WASHC4: variants seen among roughly 807,000 people sequenced by gnomAD.
The protein encoded by WASHC4 is WASH complex subunit 4.
WASHC4 carries 86 observed loss-of-function variants against 166.6 expected under a neutral mutation model. That is an observed-to-expected ratio of 0.52 (90% CI 0.43 to 0.62). WASHC4 has a LOEUF of 0.62. Ranked by LOEUF, WASHC4 falls within the 20% of genes least tolerant of loss-of-function variation. The probability of loss-of-function intolerance (pLI) is 0.00; values close to 1 mark genes in which losing one functional copy is unlikely to be tolerated. For missense variants in WASHC4, 1,262 were observed against 1,382.4 expected (o/e 0.91, Z 1.38); for synonymous variants, 446 against 451.6 (o/e 0.99, Z 0.16).
At chr12:105,160,255 T>G in intron 29 of WASHC4, 107 bp downstream of exon 29, 2 of 931,972 alleles carry the variant, frequency 2.1e-6, no homozygotes, top group Non-Finnish European at 3.4e-6. Context: ...ACTATTAATT[T>G]CCTGGTTGCA....
chr12:105,164,440 A>G (rs1039341406), intron 31 of WASHC4, 133 bp downstream of exon 31: 3 of 887,122 alleles, frequency 3.4e-6, no homozygotes, highest in African/African-American at 3.3e-5. Context: ...CAAAAAGATT[A>G]TATTTTAAAA....
intron 24 of WASHC4, chr12:105,149,268 A>G: frequency 1.0e-6 from 1 of 985,432 alleles, no homozygotes; most frequent in Non-Finnish European, 1.2e-6. Context: ...TGATGGAGGA[A>G]CATAGAAACT....
Position 105,147,754 on chromosome 12 carries a change from A to C in WASHC4, c.2514+608A>C, listed in dbSNP as rs144488643. The C allele has an allele frequency of 2.8e-3, 992 of 359,878 alleles. 12 individuals carry two copies. Among genetic ancestry groups the C allele is most frequent in the African/African-American group, 0.021 (958 of 45,122 alleles). The allele number at this position is 359,878 out of a possible 1,614,324, so 22.3% of individuals were successfully genotyped here. A position where few individuals can be genotyped will look rare whatever the true frequency, so the allele number is the denominator to read the frequency against. On this transcript the variant is annotated intron_variant, in intron 24 of 32. Transcript: ENST00000332180. The stretch of plus-strand genomic sequence containing the variant: ...AACCCCATCTCTACTAAAAATACAA[A>C]ATTAGCCAGGCGTGGTGGCGGGCGC...
chr12:105,140,795 A>T, intron 16 of WASHC4, 104 bp from the exon 17 acceptor site: 1 of 1,124,678 alleles, frequency 8.9e-7, no homozygotes, highest in African/African-American at 1.5e-5. Flanking sequence ...GTATTTGTGT[A>T]TGCTCTCTTA....
chr12:105,147,624 C>T lies in WASHC4; in HGVS notation c.2514+478C>T, dbSNP rs117453741. The T allele has an allele frequency of 3.9e-5, 39 of 996,346 alleles. 1 individual carries two copies. The East Asian group carries it at 5.0e-4, about 13-fold the overall frequency. The allele number at this position is 996,346 out of a possible 1,614,324, so 61.7% of individuals were successfully genotyped here. ...AATCTTCTTAGAAATGGGCATTCACCGCTTGGCGTGGTGGCTCACGCTTGT... is the reference window on the plus strand; with the variant it reads ...AATCTTCTTAGAAATGGGCATTCACTGCTTGGCGTGGTGGCTCACGCTTGT... On this transcript the variant is annotated intron_variant, in intron 24 of 32. Transcript: ENST00000332180.
At chr12:105,143,049 ATAAT>A (rs1883000876) in intron 19 of WASHC4, 74 bp from the exon 20 acceptor site, 1 of 866,034 alleles carries the variant, frequency 1.2e-6, no homozygotes, top group East Asian at 2.5e-5. Context: ...GTCTTTCAAG[ATAAT>A]TAACTTTTGC....
At chr12:105,142,867 A>G (rs57456392) in intron 19 of WASHC4, among the ~76,000 whole-genome samples, 2,428 of 152,230 alleles carry the variant, frequency 0.016, 43 homozygotes, top group African/African-American at 0.042. Flanking sequence ...TTTAAGAAAT[A>G]TTCATATTTT....
rs568436920 is a variant in WASHC4, at chr12:105,129,336, G to A, written c.1199+2047G>A. On this transcript the variant is annotated intron_variant, in intron 13 of 32. Coordinates refer to ENST00000332180, the MANE Select transcript of WASHC4 (RefSeq NM_015275.3). ...CTGACCTCAGGTGATCCGCCACCTCGGCCTTCCAAAGTGCTGGGATTATAG... is the reference window on the plus strand; with the variant it reads ...CTGACCTCAGGTGATCCGCCACCTCAGCCTTCCAAAGTGCTGGGATTATAG... Among the ~76,000 whole-genome samples, 4 of 152,204 alleles carry A rather than the reference G, an allele frequency of 2.6e-5. No homozygotes were observed. The South Asian group carries it at 6.2e-4, about 24-fold the overall frequency.
chr12:105,120,530 T>A (rs1880630818), intron 7 of WASHC4, 25 bp from the exon 8 acceptor site: 1 of 1,502,860 alleles, frequency 6.7e-7, no homozygotes, highest in Non-Finnish European at 9.3e-7. Context: ...AAGTTTTTTT[T>A]AACTTGGTTG....
intron 13 of WASHC4, among the ~76,000 whole-genome samples, chr12:105,133,517 G>A (rs922478820): frequency 5.3e-5 from 8 of 152,028 alleles, no homozygotes; most frequent in Non-Finnish European, 1.0e-4. Flanking sequence ...TAGAATGTAA[G>A]CATCATGGGA....
intron 30 of WASHC4, among the ~76,000 whole-genome samples, chr12:105,163,730 A>G (rs1196874): frequency 0.88 from 133,670 of 152,158 alleles, 59,005 homozygotes; most frequent in East Asian, 1. Context: ...GGTTGGTCTT[A>G]AACTCCTGGG....
At chr12:105,108,176 G>GC (rs1156359046) in intron 1 of WASHC4, among the ~76,000 whole-genome samples, 1 of 152,174 alleles carries the variant, frequency 6.6e-6, no homozygotes, top group Non-Finnish European at 1.5e-5. Flanking sequence ...CGCCCGGGAG[G>GC]CCCAGCGGCC....
chr12:105,160,674 T>A (rs1348183648), intron 29 of WASHC4, among the ~76,000 whole-genome samples: 3 of 152,312 alleles, frequency 2.0e-5, no homozygotes, highest in East Asian at 1.9e-4. Flanking sequence ...TTATTTTTTT[T>A]AAATAATTAC....
chr12:105,139,425 G>GTGTGTGTGTGTGTGTATATA lies in WASHC4; in HGVS notation c.1453-868_1453-867insGTGTGTGTGTGTGTATATAT. On this transcript the variant is annotated intron_variant, in intron 15 of 32. Coordinates refer to ENST00000332180, the MANE Select transcript of WASHC4 (RefSeq NM_015275.3). ...AGACAGACTATATATATGTGTGTGT[G>GTGTGTGTGTGTGTGTATATA]TATATATATATATATATATATATAT... is the stretch of plus-strand genomic sequence containing the variant. 7.0e-3 allele frequency among the ~76,000 whole-genome samples: 720 copies of GTGTGTGTGTGTGTGTATATA among 103,138 alleles called. 5 individuals are homozygous for GTGTGTGTGTGTGTGTATATA. The highest frequency in any genetic ancestry group is 0.011 in the Non-Finnish European group (546 of 50,668). The allele number at this position is 103,138 out of a possible 152,430, so 67.7% of individuals were successfully genotyped here.
chr12:105,153,356 G>A (rs921682378), intron 26 of WASHC4, among the ~76,000 whole-genome samples: 34 of 152,128 alleles, frequency 2.2e-4, no homozygotes, highest in Admixed American at 5.9e-4. Context: ...TACGTTATAA[G>A]CATTTCATTC....
chr12:105,162,657 T>A, intron 29 of WASHC4, 92 bp from the exon 30 acceptor site: 1 of 719,008 alleles, frequency 1.4e-6, no homozygotes, highest in East Asian at 2.6e-5. Context: ...TTTATAGTGA[T>A]TCTATTTATA....
chr12:105,117,375 A>G (rs1880286417), intron 6 of WASHC4, among the ~76,000 whole-genome samples: 2 of 152,056 alleles, frequency 1.3e-5, no homozygotes, highest in Non-Finnish European at 2.9e-5. Flanking sequence ...GTCTGACAAT[A>G]CCTGTTTTTT....
intron 28 of WASHC4, 147 bp downstream of exon 28, chr12:105,157,469 A>C: frequency 1.7e-6 from 1 of 579,366 alleles, no homozygotes; most frequent in Non-Finnish European, 3.1e-6. Context: ...TTAAGACTTC[A>C]GTATTCTAAG....
intron 14 of WASHC4, among the ~76,000 whole-genome samples, chr12:105,134,730 T>C (rs1882156131): frequency 6.6e-6 from 1 of 152,000 alleles, no homozygotes; most frequent in East Asian, 1.9e-4. Context: ...AGTTAATGTG[T>C]GTCTTCCGTA....
Sources: allele counts gnomAD v4.1 joint callset (sites outside exome capture counted in the v4.1 genomes callset), GRCh38; gene constraint gnomAD v4.1.1; transcripts MANE v1.5; gene names NCBI Gene and HGNC (gene_info 2026-07-23, HGNC 2026-07-21).